EGFL7: variants seen among roughly 807,000 people sequenced by gnomAD.
EGFL7 encodes EGF like domain multiple 7, also known as epidermal growth factor-like protein 7.
In EGFL7, 48 loss-of-function variants were observed where a neutral mutation model predicts 37.1. The ratio of observed to expected loss-of-function variants is 1.29; its 90% CI spans 1.03 to 1.65. The LOEUF (loss-of-function observed/expected upper bound fraction) is 1.65. Among genes scored for constraint, EGFL7 ranks in the 40% most tolerant of loss-of-function variants. EGFL7 has a pLI of 0.00. For synonymous variants in EGFL7, 180 were observed against 156.8 expected, an observed-to-expected ratio of 1.15 and a Z score of -1.10; for missense variants, 384 against 378.9, an observed-to-expected ratio of 1.01 and a Z score of -0.11.
At chr9:136,659,497 G>A (rs927038588), upstream of EGFL7, 3 of 152,218 alleles carry the variant, frequency 2.0e-5, no homozygotes, top group Non-Finnish European at 4.4e-5. Flanking sequence ...CTCTGCCAGG[G>A]GCTTAGTCTG....
rs149685648 is a variant in EGFL7, at chr9:136,666,879, C to G, written c.-42-1362C>G. On this transcript the variant is annotated intron_variant, in intron 3 of 10. Coordinates refer to ENST00000308874, the MANE Select transcript of EGFL7 (RefSeq NM_016215.5). The surrounding 1 kb of genome is among the most constrained non-coding windows in gnomAD (Gnocchi z 6.8). ...TAATCTCCAGCCAGCTCTGCCCCCT[C>G]GACAAACTCCTGCCCAAAAACTGCT... Among the ~76,000 whole-genome samples, 1,394 of 152,252 alleles carry G rather than the reference C, an allele frequency of 9.2e-3. 22 individuals are homozygous for G. Among genetic ancestry groups the G allele is most frequent in the African/African-American group, 0.031 (1,286 of 41,546 alleles).
intron 7 of EGFL7, 78 bp from the exon 8 acceptor site, chr9:136,670,091 A>T: frequency 6.2e-7 from 1 of 1,605,464 alleles, no homozygotes. Flanking sequence ...CTGGCCCATG[A>T]GTGGGTGGTT....
In EGFL7 at chr9:136,668,628, C is replaced by G. The variant is rs368404574; in HGVS notation, c.152C>G (p.Pro51Arg). 5 of 1,606,896 alleles carry G rather than the reference C, an allele frequency of 3.1e-6. No homozygotes were observed. The highest frequency in any genetic ancestry group is 4.2e-6 in the Non-Finnish European group (5 of 1,179,744). ...SESFVQRVYQ[P>R]FLTTCDGHRA... Reference sequence around the variant, plus strand: ...TCGTTCGTGCAGCGTGTGTACCAGCCCTTCCTCACCACCTGCGACGGGCAC... The same window carrying G: ...TCGTTCGTGCAGCGTGTGTACCAGCGCTTCCTCACCACCTGCGACGGGCAC... The change falls in exon 5 of 11, where the codon CCC becomes CGC. Residue 51 changes from proline (P) to arginine (R), a missense_variant. Transcript: ENST00000308874.
rs1360850254 is a variant in EGFL7 at position 136,670,215 on chromosome 9, C to T, written c.456C>T (p.Cys152=). ...SARRGGCPQR[C]VNTAGSYWCQ... ...GGAGGGGCGGCTGTCCCCAGCGCTG[C>T]GTCAACACCGCCGGCAGTTACTGGT... is the stretch of plus-strand genomic sequence containing the variant. Residue 152 remains cysteine, a synonymous_variant, in exon 8 of 11, where the codon TGC becomes TGT. Coordinates refer to ENST00000308874, the MANE Select transcript of EGFL7 (RefSeq NM_016215.5). 4 of 1,612,564 alleles carry T rather than the reference C, an allele frequency of 2.5e-6. No homozygotes were observed. The highest frequency in any genetic ancestry group is 1.7e-5 in the Admixed American group (1 of 60,010).
chr9:136,665,325 C>G (rs1845390205), intron 3 of EGFL7, among the ~76,000 whole-genome samples: 1 of 152,248 alleles, frequency 6.6e-6, no homozygotes, highest in Admixed American at 6.5e-5. Context: ...GCCTGCGAGG[C>G]TGCAGGACCC....
In EGFL7 at chr9:136,666,722, C is replaced by T. The variant is rs1272150139; in HGVS notation, c.-42-1519C>T. ...TGGCATCCCCCTGCCCACATCAAGC[C>T]GCCGGGCCGCTGCCCTACCTCTTCC... On this transcript the variant is annotated intron_variant, in intron 3 of 10. Transcript: ENST00000308874. The surrounding 1 kb of genome is among the most constrained non-coding windows in gnomAD (Gnocchi z 6.8). 6.6e-6 allele frequency among the ~76,000 whole-genome samples: 1 copy of T among 152,044 alleles called. No homozygotes were observed. Among genetic ancestry groups the T allele is most frequent in the Non-Finnish European group, 1.5e-5 (1 of 67,974 alleles).
At chr9:136,670,873 C>A in intron 8 of EGFL7, 77 bp from the exon 9 acceptor site, 1 of 1,385,862 alleles carries the variant, frequency 7.2e-7, no homozygotes, top group Non-Finnish European at 1.0e-6. Flanking sequence ...TCTGCCTCTC[C>A]CTGGGGACAG....
Position 136,662,959 on chromosome 9 carries a change from G to A in EGFL7, c.-502G>A, listed in dbSNP as rs576504446. 1.3e-5 allele frequency: 2 copies of A among 152,434 alleles called. No individual in the cohort carries two copies. Among genetic ancestry groups the A allele is most frequent in the South Asian group, 4.1e-4 (2 of 4,840 alleles). 9.4% of individuals were successfully genotyped at this position (152,434 alleles called of 1,614,324 possible). ...GCTGGCCCTGCACGGCTGCAAGGGA[G>A]GCTCCTGTGGACAGGCCAGGCAGGT... On this transcript the variant is annotated 5_prime_UTR_variant, in exon 1 of 11. Coordinates refer to ENST00000308874, the MANE Select transcript of EGFL7 (RefSeq NM_016215.5).
At chr9:136,664,062 C>T (rs1030444480) in intron 2 of EGFL7, among the ~76,000 whole-genome samples, 1 of 151,964 alleles carries the variant, frequency 6.6e-6, no homozygotes, top group Non-Finnish European at 1.5e-5. Flanking sequence ...CAGAGGCCCC[C>T]TAGGCCCCAC....
At chr9:136,665,049 G>A (rs941157106) in intron 3 of EGFL7, among the ~76,000 whole-genome samples, 3 of 152,238 alleles carry the variant, frequency 2.0e-5, no homozygotes, top group Non-Finnish European at 4.4e-5. Context: ...ACCAGCCCAG[G>A]GACCTCTGGT....
At chr9:136,665,746 C>G (rs1441988709) in intron 3 of EGFL7, 1 of 125,672 alleles carries the variant, frequency 8.0e-6, no homozygotes, top group Non-Finnish European at 1.7e-5. Flanking sequence ...CGGGGCGGGG[C>G]GGGGCTCGGG....
At position 136,672,353 on chromosome 9, in the gene EGFL7, C is replaced by T. The variant is rs368102393; in HGVS notation, c.*67C>T. ...CTGCAGCCCCCATGCCCCTGCCCAA[C>T]ATGCTGGGGGTCCAGAAACCACCTC... On this transcript the variant is annotated 3_prime_UTR_variant, in exon 11 of 11. Transcript: ENST00000308874. The T allele has an allele frequency of 6.9e-6, 11 of 1,603,592 alleles. No homozygotes were observed. In the African/African-American group the frequency reaches 8.0e-5, roughly 12 times the overall value.
At position 136,668,058 on chromosome 9, in the gene EGFL7, G is replaced by A. The variant is rs535817215; in HGVS notation, c.-42-183G>A. 1.3e-3 allele frequency among the ~76,000 whole-genome samples: 205 copies of A among 152,342 alleles called. 1 individual carries two copies. The highest frequency in any genetic ancestry group is 2.5e-3 in the Non-Finnish European group (173 of 68,024). On this transcript the variant is annotated intron_variant, in intron 3 of 10. Transcript: ENST00000308874. ...GTGGCCCCAGCTGTTTGTGCCTGGCGAGGGTCTGGCTAGCTGGAAGAGGGG... is the reference window on the plus strand; with the variant it reads ...GTGGCCCCAGCTGTTTGTGCCTGGCAAGGGTCTGGCTAGCTGGAAGAGGGG...
Position 136,668,555 on chromosome 9 carries a change from A to G in EGFL7, c.81-2A>G. On this transcript the variant is annotated splice_acceptor_variant, in intron 4 of 10. Transcript: ENST00000308874. LOFTEE classifies it high-confidence loss of function. ...GGGCTGACCCCCTCTCCACCCCCGC[A>G]GCCGTAGGGTGTGTGCTGTCCGGGC... 1.2e-6 allele frequency: 2 copies of G among 1,608,242 alleles called. No homozygotes were observed. The highest frequency in any genetic ancestry group is 1.7e-6 in the Non-Finnish European group (2 of 1,179,432).
In EGFL7 at chr9:136,672,059, T is replaced by C; in HGVS notation, c.770T>C (p.Ile257Thr). ...CGCATCGACTCCCTGAGCGAGCAGA[T>C]TTCCTTCCTGGAGGAGCAGCTGGGG... Reference protein sequence around the residue: ...LGRIDSLSEQISFLEEQLGSC... With the variant: ...LGRIDSLSEQTSFLEEQLGSC... The change falls in exon 10 of 11, where the codon ATT becomes ACT. Residue 257 changes from isoleucine to threonine, a missense_variant. Coordinates refer to ENST00000308874, the MANE Select transcript of EGFL7 (RefSeq NM_016215.5). 1.3e-6 allele frequency: 2 copies of C among 1,546,606 alleles called. No homozygotes were observed. The highest frequency in any genetic ancestry group is 1.7e-6 in the Non-Finnish European group (2 of 1,147,066).
At chr9:136,665,527 C>T (rs1391487553) in intron 3 of EGFL7, among the ~76,000 whole-genome samples, 6 of 152,164 alleles carry the variant, frequency 3.9e-5, no homozygotes, top group African/African-American at 1.4e-4. Context: ...CCAGCGACCG[C>T]GCAGCGAGCG....
chr9:136,659,418 T>G (rs954196885), upstream of EGFL7: 3 of 152,756 alleles, frequency 2.0e-5, no homozygotes, highest in African/African-American at 4.8e-5. Context: ...CTGCACCTCC[T>G]GCAGCCCGGC....
intron 5 of EGFL7, among the ~76,000 whole-genome samples, chr9:136,669,183 T>G (rs555794051): frequency 6.0e-4 from 91 of 152,256 alleles, no homozygotes; most frequent in African/African-American, 2.2e-3. Context: ...GTGTGGGAGC[T>G]CCACCCCCTG....
chr9:136,668,408 AGCCCTCAGCACCTCCTAGAGGCG>A lies in EGFL7; in HGVS notation c.80+60_80+82del, dbSNP rs751795505. 32 of 1,533,266 alleles carry A rather than the reference AGCCCTCAGCACCTCCTAGAGGCG, an allele frequency of 2.1e-5. No individual in the cohort carries two copies. The South Asian group carries it at 2.4e-4, about 11-fold the overall frequency. The allele number at this position is 1,533,266 out of a possible 1,614,324, so 95.0% of individuals were successfully genotyped here. A position where few individuals can be genotyped will look rare whatever the true frequency, so the allele number is the denominator to read the frequency against. ...GGAGTGCTGGGGTGGGGGGACCGGGAGCCCTCAGCACCTCCTAGAGGCGGCCCTCAGCACCTGTCGGGGACTCC... is the reference window on the plus strand; with the variant it reads ...GGAGTGCTGGGGTGGGGGGACCGGGAGCCCTCAGCACCTGTCGGGGACTCC... On this transcript the variant is annotated intron_variant, in intron 4 of 10. Coordinates refer to ENST00000308874, the MANE Select transcript of EGFL7 (RefSeq NM_016215.5).
Sources: allele counts gnomAD v4.1 joint callset (sites outside exome capture counted in the v4.1 genomes callset), GRCh38; gene constraint gnomAD v4.1.1; non-coding constraint Gnocchi (gnomAD v3.1); transcripts MANE v1.5; gene names NCBI Gene and HGNC (gene_info 2026-07-23, HGNC 2026-07-21).